Variants in STPG2 observed in about 807,000 individuals in gnomAD.
The protein encoded by STPG2 is sperm-tail PG-rich repeat-containing protein 2.
A neutral mutation model predicts 54.2 loss-of-function variants in STPG2; 56 were observed. The observed-to-expected ratio is 1.03, with a 90% CI of 0.83 to 1.29. The LOEUF (loss-of-function observed/expected upper bound fraction) is 1.29. STPG2 is among the 50% of genes most tolerant of loss of function. The pLI is 0.00. For missense variants in STPG2, 596 were observed against 544.9 expected, an observed-to-expected ratio of 1.09 and a Z score of -0.93; for synonymous variants, 200 against 181.8, an observed-to-expected ratio of 1.10 and a Z score of -0.81.
chr4:97,908,266 G>A, intron 8 of STPG2, among the ~76,000 whole-genome samples: 1 of 152,078 alleles, frequency 6.6e-6, no homozygotes, highest in East Asian at 1.9e-4. Flanking sequence ...ATGAAAAAAT[G>A]CTCACCATCA....
intron 4 of STPG2, among the ~76,000 whole-genome samples, chr4:97,444,611 T>C (rs1434142151): frequency 2.0e-5 from 3 of 152,122 alleles, no homozygotes; most frequent in African/African-American, 7.2e-5. Flanking sequence ...AGCAAACCTG[T>C]GCAAACATAC....
chr4:97,669,523 G>C (rs1006189271), intron 10 of STPG2, among the ~76,000 whole-genome samples: 1 of 26,364 alleles, frequency 3.8e-5, no homozygotes. Context: ...GCGGCCGGGC[G>C]CGGTGGCTCA....
At chr4:97,731,090 A>G (rs1464606762) in intron 9 of STPG2, among the ~76,000 whole-genome samples, 1 of 152,234 alleles carries the variant, frequency 6.6e-6, no homozygotes. Flanking sequence ...ATCAGTTGCC[A>G]CAGTTCTTTC....
intron 10 of STPG2, among the ~76,000 whole-genome samples, chr4:97,563,601 C>A (rs1442990566): frequency 1.3e-5 from 2 of 152,218 alleles, no homozygotes; most frequent in Admixed American, 6.5e-5. Context: ...CCTCTACACA[C>A]TATTTTGAAT....
chr4:97,523,352 G>C (rs1731220509), intron 4 of STPG2, among the ~76,000 whole-genome samples: 1 of 151,714 alleles, frequency 6.6e-6, no homozygotes, highest in Non-Finnish European at 1.5e-5. Context: ...GCACATCCTA[G>C]GGTAGTTACA....
chr4:97,520,143 G>A (rs1353747505), intron 4 of STPG2, among the ~76,000 whole-genome samples: 1 of 152,048 alleles, frequency 6.6e-6, no homozygotes, highest in Non-Finnish European at 1.5e-5. Flanking sequence ...ACAATGGAAT[G>A]GTTATGGTAT....
chr4:98,077,181 C>A, intron 5 of STPG2, among the ~76,000 whole-genome samples: 1 of 152,176 alleles, frequency 6.6e-6, no homozygotes, highest in East Asian at 1.9e-4. Flanking sequence ...CAATAAGAAA[C>A]ACTAGATGTA....
chr4:97,713,158 C>T (rs191975665), intron 9 of STPG2, among the ~76,000 whole-genome samples: 24 of 152,244 alleles, frequency 1.6e-4, no homozygotes, highest in African/African-American at 4.3e-4. Flanking sequence ...AGGGCTTGAG[C>T]TGCACTTGGA....
intron 2 of STPG2, among the ~76,000 whole-genome samples, chr4:98,130,921 C>CAA (rs34206321): frequency 0.08 from 3,299 of 41,268 alleles, 296 homozygotes; most frequent in African/African-American, 0.13. Flanking sequence ...GACTCCGTCT[C>CAA]AAAAAAAAAA....
At chr4:97,643,719 TC>T (rs1721828304) in intron 10 of STPG2, among the ~76,000 whole-genome samples, 1 of 151,830 alleles carries the variant, frequency 6.6e-6, no homozygotes, top group Non-Finnish European at 1.5e-5. Context: ...AGCATACATA[TC>T]TAGCAGTGAT....
intron 9 of STPG2, among the ~76,000 whole-genome samples, chr4:97,792,839 C>A (rs916235806): frequency 1.3e-4 from 20 of 152,126 alleles, no homozygotes; most frequent in Admixed American, 9.8e-4. Flanking sequence ...CCCCTCAATT[C>A]TTTTGGTCTT....
chr4:97,684,663 A>G (rs980114836), intron 10 of STPG2, among the ~76,000 whole-genome samples: 3 of 151,930 alleles, frequency 2.0e-5, no homozygotes, highest in Non-Finnish European at 4.4e-5. Context: ...TATAGGAGAA[A>G]GTCTAGGAGC....
At chr4:97,628,834 G>C (rs149424744) in intron 10 of STPG2, among the ~76,000 whole-genome samples, 2,269 of 152,050 alleles carry the variant, frequency 0.015, 50 homozygotes, top group African/African-American at 0.052. Flanking sequence ...TTACAATATT[G>C]TCACTCATGG....
chr4:97,871,421 G>A (rs938632982), intron 8 of STPG2, among the ~76,000 whole-genome samples: 34 of 150,180 alleles, frequency 2.3e-4, no homozygotes, highest in African/African-American at 8.3e-4. Flanking sequence ...TTAAAAAGGG[G>A]GGGAATCATA....
chr4:97,656,863 T>C (rs2148958015), intron 10 of STPG2, among the ~76,000 whole-genome samples: 1 of 152,136 alleles, frequency 6.6e-6, no homozygotes, highest in East Asian at 1.9e-4. Flanking sequence ...TGCCCTGTAA[T>C]TTTAATAAAT....
chr4:97,606,718 A>T (rs1351031442), intron 10 of STPG2, among the ~76,000 whole-genome samples: 1 of 151,914 alleles, frequency 6.6e-6, no homozygotes, highest in African/African-American at 2.4e-5. Context: ...AATGATGGTG[A>T]TTATTTAGCT....
At chr4:97,655,277 T>C (rs1722190447) in intron 10 of STPG2, among the ~76,000 whole-genome samples, 1 of 152,062 alleles carries the variant, frequency 6.6e-6, no homozygotes. Context: ...TATTATCTGA[T>C]AGTACTACCT....
intron 1 of STPG2, among the ~76,000 whole-genome samples, chr4:98,141,462 G>T (rs1460756406): frequency 6.6e-6 from 1 of 152,078 alleles, no homozygotes; most frequent in Non-Finnish European, 1.5e-5. Flanking sequence ...ACAAAACTTG[G>T]TCTCCACAAT....
chr4:98,000,410 T>C (rs902715964), intron 5 of STPG2, among the ~76,000 whole-genome samples: 1 of 152,142 alleles, frequency 6.6e-6, no homozygotes, highest in Non-Finnish European at 1.5e-5. Context: ...GTTCTTTTAT[T>C]TTAAATGGAC....
Sources: allele counts gnomAD v4.1 joint callset (sites outside exome capture counted in the v4.1 genomes callset), GRCh38; gene constraint gnomAD v4.1.1; transcripts MANE v1.5; gene names NCBI Gene and HGNC (gene_info 2026-07-23, HGNC 2026-07-21).